NCOR2: variants seen among roughly 807,000 people sequenced by gnomAD.
The protein encoded by NCOR2 is nuclear receptor corepressor 2.
Under a neutral mutation model 262.9 loss-of-function variants are expected in NCOR2, and 81 were observed. The observed-to-expected ratio is 0.31, with a 90% CI of 0.26 to 0.37. The LOEUF (loss-of-function observed/expected upper bound fraction) is 0.37, where lower values mean the gene tolerates loss of function less well. NCOR2 is among the 10% of genes least tolerant of loss of function. The pLI, the probability that NCOR2 is intolerant of heterozygous loss-of-function variation, is 1.00. For synonymous variants in NCOR2, 1,659 were observed against 1,559.3 expected, an observed-to-expected ratio of 1.06 and a Z score of -1.51; for missense variants, 3,385 against 3,621.4, an observed-to-expected ratio of 0.93 and a Z score of 1.68.
intron 44 of NCOR2, among the ~76,000 whole-genome samples, chr12:124,328,227 C>G (rs1031554212): frequency 6.6e-6 from 1 of 152,074 alleles, no homozygotes; most frequent in Non-Finnish European, 1.5e-5. Context: ...AGCCCCGTAC[C>G]TCCCCACCAA....
At chr12:124,511,960 G>A (rs2049417255) in intron 1 of NCOR2, among the ~76,000 whole-genome samples, 1 of 152,130 alleles carries the variant, frequency 6.6e-6, no homozygotes, top group Non-Finnish European at 1.5e-5. Flanking sequence ...CTCACTCTGT[G>A]GTCCAGGGTG....
intron 18 of NCOR2, among the ~76,000 whole-genome samples, chr12:124,376,023 C>T (rs2039967007): frequency 6.6e-6 from 1 of 152,166 alleles, no homozygotes; most frequent in South Asian, 2.1e-4. Flanking sequence ...GCTGGCTGGG[C>T]CGGCAGACCC....
In NCOR2 at chr12:124,503,465, T is replaced by G. The variant is rs923518939; in HGVS notation, c.-117-8097A>C. ...GAGAAAGGAGGAAGGATGCATGGACTGATGGATGGATGGATGGATGATGGA... is the reference window on the plus strand; with the variant it reads ...GAGAAAGGAGGAAGGATGCATGGACGGATGGATGGATGGATGGATGATGGA... On this transcript the variant is annotated intron_variant, in intron 1 of 46. Coordinates refer to the NCOR2 transcript ENST00000404621. This position sits in a 1 kb window ranked among gnomAD's most constrained non-coding sequence, Gnocchi z 4.3. 2.0e-5 allele frequency among the ~76,000 whole-genome samples: 3 copies of G among 148,908 alleles called. No individual in the cohort carries two copies. Among genetic ancestry groups the G allele is most frequent in the Admixed American group, 6.6e-5 (1 of 15,074 alleles).
At chr12:124,347,572 C>A (rs1456760558) in intron 30 of NCOR2, 1 of 504,832 alleles carries the variant, frequency 2.0e-6, no homozygotes, top group East Asian at 3.1e-5. Context: ...GTGCCAAGCA[C>A]AGGACAGTTG....
chr12:124,361,122 CAAAAA>C (rs33951841), intron 22 of NCOR2, among the ~76,000 whole-genome samples: 4 of 122,502 alleles, frequency 3.3e-5, no homozygotes, highest in Non-Finnish European at 5.0e-5. Flanking sequence ...CCGTCTCAAA[CAAAAA>C]AAAAAAAAAA....
intron 1 of NCOR2, among the ~76,000 whole-genome samples, chr12:124,492,926 G>A (rs1202522175): frequency 2.0e-5 from 3 of 152,204 alleles, no homozygotes; most frequent in Admixed American, 6.5e-5. Context: ...TGAGGCAGGA[G>A]GGTCCGATAT....
chr12:124,437,399 G>A (rs749179727), intron 8 of NCOR2, among the ~76,000 whole-genome samples: 24 of 152,326 alleles, frequency 1.6e-4, no homozygotes, highest in Non-Finnish European at 1.9e-4. Flanking sequence ...TGAGAAGCAG[G>A]AATCAGCATC....
At chr12:124,363,778 G>A (rs777968565) in exon 21 of NCOR2, 77 of 1,378,634 alleles carry the variant, frequency 5.6e-5, no homozygotes, top group Non-Finnish European at 7.3e-5. Context: ...GGGTGAGGAG[G>A]CTGGGCCTTG....
intron 1 of NCOR2, among the ~76,000 whole-genome samples, chr12:124,520,054 G>A (rs1157298490): frequency 2.0e-5 from 3 of 152,206 alleles, no homozygotes; most frequent in African/African-American, 7.2e-5. Context: ...GACTGGCAGG[G>A]GGCCCAGACT....
intron 10 of NCOR2, 152 bp downstream of exon 12, chr12:124,429,461 A>C: frequency 1.4e-6 from 1 of 735,010 alleles, no homozygotes; most frequent in Non-Finnish European, 2.3e-6. Flanking sequence ...TGGGACGGGT[A>C]CCTCAATACC....
intron 16 of NCOR2, chr12:124,388,862 CGGTG>C (rs2041036206): frequency 1.9e-6 from 2 of 1,036,394 alleles, no homozygotes; most frequent in African/African-American, 1.9e-5. Flanking sequence ...CTCCGTCCCA[CGGTG>C]AGGGAGGGAG....
intron 4 of NCOR2, among the ~76,000 whole-genome samples, chr12:124,468,228 A>C (rs1555227108): frequency 4.0e-5 from 1 of 24,774 alleles, no homozygotes; most frequent in African/African-American, 1.7e-4. Flanking sequence ...CACCCCCCTC[A>C]TCCTCATCAC....
chr12:124,426,078 C>T lies in NCOR2; in HGVS notation c.1328+544G>A, dbSNP rs906758932. Among the ~76,000 whole-genome samples the T allele has an allele frequency of 1.1e-4, 17 of 152,330 alleles. No homozygotes were observed. In the South Asian group the frequency reaches 3.5e-3, roughly 32 times the overall value. ...CGGCCCAGCCTCTAAGTCCCTCCTG[C>T]CTTGTTCTTCCGACTCGCAGTGCCC... On this transcript the variant is annotated intron_variant, in intron 11 of 46. Coordinates refer to ENST00000405201, the Ensembl canonical transcript of NCOR2.
chr12:124,519,095 C>CACACATACACACACAT (rs776461449), intron 1 of NCOR2, among the ~76,000 whole-genome samples: 1 of 143,258 alleles, frequency 7.0e-6, no homozygotes, highest in Non-Finnish European at 1.5e-5. Flanking sequence ...ATAATACACA[C>CACACATACACACACAT]ACACACACAC....
At chr12:124,466,672 G>A (rs964686521) in intron 4 of NCOR2, among the ~76,000 whole-genome samples, 12 of 152,030 alleles carry the variant, frequency 7.9e-5, no homozygotes, top group Admixed American at 2.6e-4. Flanking sequence ...GGCCTGCTGC[G>A]AGCCGGCATT....
At chr12:124,414,608 G>A (rs1310345835) in intron 13 of NCOR2, among the ~76,000 whole-genome samples, 1 of 152,238 alleles carries the variant, frequency 6.6e-6, no homozygotes, top group Non-Finnish European at 1.5e-5. Flanking sequence ...CAGGAAGGGA[G>A]GGAGAACCCG....
chr12:124,346,392 C>A (rs991625755), intron 31 of NCOR2, among the ~76,000 whole-genome samples, 172 bp downstream of exon 33: 1 of 152,128 alleles, frequency 6.6e-6, no homozygotes, highest in Non-Finnish European at 1.5e-5. Flanking sequence ...GTGCCCCCTG[C>A]GCAGCCCTGG....
At position 124,452,106 on chromosome 12, in the gene NCOR2, C is replaced by G. The variant is rs370448897; in HGVS notation, c.763-2239G>C. Among the ~76,000 whole-genome samples, 6 of 152,348 alleles carry G rather than the reference C, an allele frequency of 3.9e-5. No individual in the cohort carries two copies. In the South Asian group the frequency reaches 1.2e-3, roughly 32 times the overall value. On this transcript the variant is annotated intron_variant, in intron 6 of 46. Transcript: ENST00000405201. Reference sequence around the variant, plus strand: ...CTCAGCCCTGAACAGAGGGCAGTTTCCCCACCCTGACCCTGGAAGTTTGAA... The same window carrying G: ...CTCAGCCCTGAACAGAGGGCAGTTTGCCCACCCTGACCCTGGAAGTTTGAA...
chr12:124,409,399 C>T (rs2042444752), intron 13 of NCOR2, among the ~76,000 whole-genome samples: 1 of 152,216 alleles, frequency 6.6e-6, no homozygotes, highest in African/African-American at 2.4e-5. Flanking sequence ...TTCTGCCTGG[C>T]CAGTCCCTTC....
Sources: allele counts gnomAD v4.1 joint callset (sites outside exome capture counted in the v4.1 genomes callset), GRCh38; gene constraint gnomAD v4.1.1; non-coding constraint Gnocchi (gnomAD v3.1); transcripts MANE v1.5; gene names NCBI Gene and HGNC (gene_info 2026-07-23, HGNC 2026-07-21).